Variants in MYH16 observed in about 807,000 individuals in gnomAD.
The protein encoded by MYH16 is myosin heavy chain 16.
intron 31 of MYH16, among the ~76,000 whole-genome samples, 167 bp downstream of exon 12, chr7:99,291,617 A>ACCCCCCCCCCCC (rs34446113): frequency 7.9e-3 from 839 of 105,870 alleles, no homozygotes; most frequent in Non-Finnish European, 9.0e-3. Flanking sequence ...ACACAGCAAG[A>ACCCCCCCCCCCC]CCCCCCCCCA....
chr7:99,302,751 T>C, intron 38 of MYH16, among the ~76,000 whole-genome samples: 1 of 151,470 alleles, frequency 6.6e-6, no homozygotes, highest in African/African-American at 2.4e-5. Context: ...TGTGGTGGTG[T>C]GCATCTGTAG....
At chr7:99,278,662 C>T (rs1354099942) in intron 21 of MYH16, among the ~76,000 whole-genome samples, 2 of 152,150 alleles carry the variant, frequency 1.3e-5, no homozygotes, top group Non-Finnish European at 2.9e-5. Flanking sequence ...GTCCCAGGCC[C>T]ATTGGTAGAA....
At chr7:99,308,306 A>C (rs1304530100), downstream of MYH16, among the ~76,000 whole-genome samples, 1 of 150,642 alleles carries the variant, frequency 6.6e-6, no homozygotes, top group Non-Finnish European at 1.5e-5. Flanking sequence ...AAAAAAAAAA[A>C]AAAAAAAAAA....
At chr7:99,277,589 G>A (rs1197029055) in exon 21 of MYH16, 1 of 457,006 alleles carries the variant, frequency 2.2e-6, no homozygotes. Flanking sequence ...TGAAGGCCAA[G>A]GAGGAGGAGC....
chr7:99,268,940 A>G (rs1418922504), intron 18 of MYH16, among the ~76,000 whole-genome samples: 1 of 152,138 alleles, frequency 6.6e-6, no homozygotes, highest in Non-Finnish European at 1.5e-5. Context: ...CAGAGGTCCC[A>G]GGGGCCCTGC....
chr7:99,299,993 C>G (rs192406546), intron 37 of MYH16, among the ~76,000 whole-genome samples: 547 of 147,408 alleles, frequency 3.7e-3, no homozygotes, highest in Non-Finnish European at 5.9e-3. Context: ...GAGTTTTGCT[C>G]TTGTCACCCA....
intron 16 of MYH16, chr7:99,265,514 T>G (rs913340468): frequency 6.5e-6 from 1 of 152,784 alleles, no homozygotes; most frequent in African/African-American, 2.4e-5. Context: ...TGGCCAGGAC[T>G]GGCCTGTCCC....
In MYH16 at chr7:99,296,247, C is replaced by T. The variant is rs1019622217; in HGVS notation, n.4283-454C>T. Among the ~76,000 whole-genome samples the T allele has an allele frequency of 2.0e-5, 3 of 150,162 alleles. No homozygotes were observed. In the Admixed American group the frequency reaches 2.0e-4, roughly 10 times the overall value. On this transcript the variant is annotated intron_variant and non_coding_transcript_variant, in intron 33 of 41. Transcript: ENST00000439784. Reference sequence around the variant, plus strand: ...CTTTATAAAAGCTAATATAGCACAACAGCAAATAGTTGCCAGGGAGTTATG... The same window carrying T: ...CTTTATAAAAGCTAATATAGCACAATAGCAAATAGTTGCCAGGGAGTTATG...
intron 32 of MYH16, 141 bp from the exon 14 acceptor site, chr7:99,293,877 T>C (rs1792429980): frequency 1.9e-5 from 6 of 310,442 alleles, no homozygotes; most frequent in Non-Finnish European, 6.4e-6. Flanking sequence ...GCTGTGGCTG[T>C]CCTGTAAACA....
At chr7:99,272,780 C>G (rs1025456718) in intron 19 of MYH16, among the ~76,000 whole-genome samples, 59 bp from the exon 1 acceptor site, 5 of 152,022 alleles carry the variant, frequency 3.3e-5, no homozygotes, top group Non-Finnish European at 5.9e-5. Context: ...CCCAGATGAC[C>G]TGTGATTCAC....
chr7:99,246,314 C>A (rs994027943), intron 2 of MYH16, among the ~76,000 whole-genome samples: 19 of 152,040 alleles, frequency 1.2e-4, no homozygotes, highest in Non-Finnish European at 1.5e-5. Flanking sequence ...TGCATCCACA[C>A]AGTGAAGATT....
At chr7:99,268,613 G>T (rs1161762992) in intron 18 of MYH16, among the ~76,000 whole-genome samples, 1 of 152,224 alleles carries the variant, frequency 6.6e-6, no homozygotes, top group Non-Finnish European at 1.5e-5. Flanking sequence ...CTGAGGACTA[G>T]GCAGACTGGC....
At chr7:99,276,241 C>A (rs1332791607) in intron 20 of MYH16, among the ~76,000 whole-genome samples, 2 of 152,220 alleles carry the variant, frequency 1.3e-5, no homozygotes, top group African/African-American at 2.4e-5. Flanking sequence ...AGATTCTCAA[C>A]AGCCAGGCTG....
intron 21 of MYH16, among the ~76,000 whole-genome samples, chr7:99,277,992 TG>T (rs1307075303): frequency 1.3e-5 from 2 of 151,710 alleles, no homozygotes; most frequent in East Asian, 1.9e-4. Context: ...ATGGTCTTGC[TG>T]TGTTGCCCAG....
intron 33 of MYH16, among the ~76,000 whole-genome samples, chr7:99,295,621 C>T (rs556075860): frequency 6.6e-6 from 1 of 152,084 alleles, no homozygotes; most frequent in East Asian, 1.9e-4. Context: ...AATACAAGAA[C>T]GTGGCTCCAT....
At chr7:99,260,353 G>C in intron 12 of MYH16, 3 of 1,169,290 alleles carry the variant, frequency 2.6e-6, no homozygotes, top group Non-Finnish European at 3.7e-6. Context: ...CTTCTCAAAG[G>C]AGGGATTGGA....
At chr7:99,285,733 AG>A (rs1321490235) in intron 27 of MYH16, among the ~76,000 whole-genome samples, 1 of 152,246 alleles carries the variant, frequency 6.6e-6, no homozygotes, top group African/African-American at 2.4e-5. Flanking sequence ...TTCAACAGGC[AG>A]AAGCAAGGAG....
chr7:99,279,173 A>G (rs1011993472), intron 21 of MYH16, among the ~76,000 whole-genome samples: 1 of 151,996 alleles, frequency 6.6e-6, no homozygotes, highest in African/African-American at 2.4e-5. Flanking sequence ...CCTGGGTGAC[A>G]GAGTGAGACT....
chr7:99,245,461 C>T (rs1010331151), intron 2 of MYH16, among the ~76,000 whole-genome samples: 6 of 152,136 alleles, frequency 3.9e-5, no homozygotes, highest in African/African-American at 1.4e-4. Flanking sequence ...TAGATTTGGC[C>T]ATTTCCTGTC....
Sources: gnomAD v4.1 joint callset for allele counts (sites outside exome capture counted in the v4.1 genomes callset) on GRCh38, gnomAD v4.1.1 for gene constraint, MANE v1.5 for transcripts, NCBI Gene and HGNC (gene_info 2026-07-23, HGNC 2026-07-21) for gene names.